The following ALKBH8 variants were observed in gnomAD, a reference collection of about 807,000 sequenced individuals.
ALKBH8 encodes the protein tRNA (carboxymethyluridine(34)-5-O)-methyltransferase ALKBH8.
A neutral mutation model predicts 59.8 loss-of-function variants in ALKBH8; 36 were observed. The ratio of observed to expected loss-of-function variants is 0.60; its 90% CI spans 0.46 to 0.79. The LOEUF is 0.79. ALKBH8 is among the 30% of genes least tolerant of loss of function. ALKBH8 has a pLI of 0.00. For synonymous variants in ALKBH8, 276 were observed against 273.6 expected (o/e 1.01, Z -0.09); for missense variants, 768 against 801.0 (o/e 0.96, Z 0.50).
chr11:107,528,462 AT>A (rs1474000423), intron 8 of ALKBH8, among the ~76,000 whole-genome samples: 1 of 152,188 alleles, frequency 6.6e-6, no homozygotes, highest in African/African-American at 2.4e-5. Flanking sequence ...AAAAGCAATC[AT>A]TGCCCAAATT....
At position 107,534,717 on chromosome 11, in the gene ALKBH8, A is replaced by G. The variant is rs1346028308; in HGVS notation, c.772-2311T>C. On this transcript the variant is annotated intron_variant, in intron 7 of 11. Coordinates refer to ENST00000428149, the MANE Select transcript of ALKBH8 (RefSeq NM_138775.3). ...GAAAAATATACAACCAAATAAGCTAAATGTTTTTCTTTTTCTGTATCAAAT... is the reference window on the plus strand; with the variant it reads ...GAAAAATATACAACCAAATAAGCTAGATGTTTTTCTTTTTCTGTATCAAAT... 2.0e-5 allele frequency among the ~76,000 whole-genome samples: 3 copies of G among 151,904 alleles called. No homozygotes were observed. In the East Asian group the frequency reaches 5.8e-4, roughly 29 times the overall value.
intron 11 of ALKBH8, among the ~76,000 whole-genome samples, chr11:107,509,323 T>G (rs149274842): frequency 2.7e-3 from 409 of 152,354 alleles, no homozygotes; most frequent in South Asian, 6.8e-3. Flanking sequence ...GAAAAATGTC[T>G]ATTTAAGTCC....
At chr11:107,527,700 T>C (rs551042588) in intron 8 of ALKBH8, among the ~76,000 whole-genome samples, 6 of 152,144 alleles carry the variant, frequency 3.9e-5, no homozygotes, top group Admixed American at 3.3e-4. Flanking sequence ...CACTTATTAG[T>C]TCTGGAACTT....
rs1237200404 is a variant in ALKBH8, at chr11:107,503,033, A to G, written c.*1625T>C. ...TTCTAGAGCCCAGTTCTGAATTCCT[A>G]TGCTATTTTTCAACATCTTCCATTT... On this transcript the variant is annotated 3_prime_UTR_variant, in exon 12 of 12. Coordinates refer to ENST00000428149, the MANE Select transcript of ALKBH8 (RefSeq NM_138775.3). 1.3e-5 allele frequency: 2 copies of G among 152,158 alleles called. No homozygotes were observed. Among genetic ancestry groups the G allele is most frequent in the Non-Finnish European group, 2.9e-5 (2 of 68,020 alleles). The allele number at this position is 152,158 out of a possible 1,614,324, so 9.4% of individuals were successfully genotyped here.
intron 1 of ALKBH8, among the ~76,000 whole-genome samples, chr11:107,561,521 GTGTT>G (rs1386918283): frequency 6.6e-6 from 1 of 152,080 alleles, no homozygotes; most frequent in African/African-American, 2.4e-5. Flanking sequence ...GTAGGTGTAG[GTGTT>G]TGTTTTACTA....
chr11:107,507,639 G>C (rs1862446091), intron 11 of ALKBH8, among the ~76,000 whole-genome samples: 1 of 152,142 alleles, frequency 6.6e-6, no homozygotes, highest in African/African-American at 2.4e-5. Context: ...AGCAACCTAA[G>C]TATTCAGAAA....
At chr11:107,519,450 A>G (rs569950776) in intron 10 of ALKBH8, among the ~76,000 whole-genome samples, 14 of 152,346 alleles carry the variant, frequency 9.2e-5, no homozygotes, top group African/African-American at 3.4e-4. Flanking sequence ...AAAACTATTA[A>G]GAAAATATGC....
At chr11:107,526,229 G>A (rs764597496) in intron 8 of ALKBH8, among the ~76,000 whole-genome samples, 12 of 151,878 alleles carry the variant, frequency 7.9e-5, no homozygotes, top group African/African-American at 2.7e-4. Flanking sequence ...CACTCCAACC[G>A]GCAATATATG....
intron 10 of ALKBH8, among the ~76,000 whole-genome samples, chr11:107,521,091 T>TC (rs1162943615): frequency 2.6e-5 from 4 of 152,142 alleles, no homozygotes. Flanking sequence ...ATCAGAGACT[T>TC]GAACTTCTAC....
intron 8 of ALKBH8, among the ~76,000 whole-genome samples, chr11:107,526,588 G>A (rs929639738): frequency 9.2e-5 from 14 of 151,574 alleles, no homozygotes; most frequent in African/African-American, 3.4e-4. Context: ...ATTTTGATGA[G>A]GTCTAATTTA....
chr11:107,532,329 T>C lies in ALKBH8; in HGVS notation c.849A>G (p.Thr283=). The C allele has an allele frequency of 6.2e-7, 1 of 1,613,596 alleles. No individual in the cohort carries two copies. Among genetic ancestry groups the C allele is most frequent in the Non-Finnish European group, 8.5e-7 (1 of 1,179,626 alleles). The change falls in exon 8 of 12, where the codon ACA becomes ACG. Residue 283 remains threonine (T), a synonymous_variant. Coordinates refer to ENST00000428149, the MANE Select transcript of ALKBH8 (RefSeq NM_138775.3). Reference sequence around the variant, plus strand: ...GGGTCCAAAGGTATCTAGATTCTCCTGTCATCACCAGCAAACTCCGACGAG... The same window carrying C: ...GGGTCCAAAGGTATCTAGATTCTCCCGTCATCACCAGCAAACTCCGACGAG... The part of the protein sequence containing the change: ...MLPRRSLLVM[T]GESRYLWTHG...
rs148493991 is a variant in ALKBH8 at position 107,539,749 on chromosome 11, G to A, written c.772-7343C>T. ...ACACACAGGAAACTTAAATCCATTG[G>A]CTAAATGTCTTGAAAGTTAGAATCC... On this transcript the variant is annotated intron_variant, in intron 7 of 11. Transcript: ENST00000428149. Among the ~76,000 whole-genome samples the A allele has an allele frequency of 4.9e-3, 743 of 152,212 alleles. 19 individuals are homozygous for A. The highest frequency in any genetic ancestry group is 0.044 in the Admixed American group (679 of 15,286).
chr11:107,510,103 T>G (rs1427250672), intron 11 of ALKBH8, among the ~76,000 whole-genome samples: 1 of 152,148 alleles, frequency 6.6e-6, no homozygotes, highest in East Asian at 1.9e-4. Flanking sequence ...CAGCAGAATC[T>G]CTTGGTTACT....
chr11:107,554,232 T>G (rs1385588577), intron 3 of ALKBH8, among the ~76,000 whole-genome samples: 1 of 152,220 alleles, frequency 6.6e-6, no homozygotes, highest in Non-Finnish European at 1.5e-5. Context: ...GTGAACATGA[T>G]GAAGTCACTT....
At chr11:107,548,772 T>C (rs759133585) in intron 7 of ALKBH8, among the ~76,000 whole-genome samples, 5 of 151,860 alleles carry the variant, frequency 3.3e-5, no homozygotes, top group Admixed American at 1.3e-4. Flanking sequence ...AGGAACAAGA[T>C]CAGAATTTGA....
In ALKBH8 at chr11:107,560,900, CTG is replaced by C; in HGVS notation, c.-6-3_-6-2del. 6.2e-7 allele frequency: 1 copy of C among 1,602,116 alleles called. No homozygotes were observed. Among genetic ancestry groups the C allele is most frequent in the Non-Finnish European group, 8.5e-7 (1 of 1,175,846 alleles). On this transcript the variant is annotated splice_acceptor_variant and splice_polypyrimidine_tract_variant and intron_variant, in intron 1 of 11. Transcript: ENST00000428149. LOFTEE classifies it low-confidence loss of function (5UTR_SPLICE). ...TTTGATGGTTGCTGTCCATAGCAAA[CTG>C]TAAAAAAACAAGACAGTAAAAAAGT...
chr11:107,506,761 T>C (rs910507021), intron 11 of ALKBH8, among the ~76,000 whole-genome samples: 1 of 152,110 alleles, frequency 6.6e-6, no homozygotes, highest in African/African-American at 2.4e-5. Flanking sequence ...ACACACAAGC[T>C]GAGAGAATGT....
At chr11:107,546,491 A>G (rs1355359372) in intron 7 of ALKBH8, among the ~76,000 whole-genome samples, 1 of 152,162 alleles carries the variant, frequency 6.6e-6, no homozygotes, top group Non-Finnish European at 1.5e-5. Flanking sequence ...TACTCCTTGG[A>G]TATTTCCCTA....
At chr11:107,520,173 T>C (rs1863048974) in intron 10 of ALKBH8, among the ~76,000 whole-genome samples, 1 of 152,170 alleles carries the variant, frequency 6.6e-6, no homozygotes, top group African/African-American at 2.4e-5. Context: ...ATTCACAGGT[T>C]TGCTCCTCAC....
Sources: gnomAD v4.1 joint callset for allele counts (sites outside exome capture counted in the v4.1 genomes callset) on GRCh38, gnomAD v4.1.1 for gene constraint, MANE v1.5 for transcripts, NCBI Gene and HGNC (gene_info 2026-07-23, HGNC 2026-07-21) for gene names.